Variants in AK7 observed in about 807,000 individuals in gnomAD.
AK7 encodes adenylate kinase 7.
A neutral mutation model predicts 96.6 loss-of-function variants in AK7; 78 were observed. The ratio of observed to expected loss-of-function variants is 0.81; its 90% CI spans 0.67 to 0.97. The LOEUF (loss-of-function observed/expected upper bound fraction) is 0.97, where lower values mean the gene tolerates loss of function less well. AK7 is among the 50% of genes least tolerant of loss of function. AK7 has a pLI of 0.00. For missense variants in AK7, 855 were observed against 887.9 expected (o/e 0.96, Z 0.47); for synonymous variants, 302 against 317.2 (o/e 0.95, Z 0.51).
rs2140006453 is a variant in AK7 at position 96,408,890 on chromosome 14, T to G, written c.447T>G (p.Phe149Leu). 6.2e-7 allele frequency: 1 copy of G among 1,614,236 alleles called. No homozygotes were observed. Among genetic ancestry groups the G allele is most frequent in the East Asian group, 2.2e-5 (1 of 44,888 alleles). The change falls in exon 4 of 18, where the codon TTT (phenylalanine) becomes TTG (leucine). Residue 149 changes from phenylalanine (F) to leucine (L), a missense_variant. Transcript: ENST00000267584. ...EVSHFEKRKLFILLSTVMTWA... is the reference protein window; with the variant it reads ...EVSHFEKRKLLILLSTVMTWA... ...GCCACTTTGAAAAGCGAAAGCTATT[T>G]ATTTTACTGTCGACGGTGATGACTT...
intron 15 of AK7, among the ~76,000 whole-genome samples, chr14:96,481,985 C>T (rs552737288): frequency 2.6e-5 from 4 of 152,286 alleles, no homozygotes; most frequent in East Asian, 3.9e-4. Flanking sequence ...TGTGAGCCAC[C>T]ATGGCCAGCT....
intron 8 of AK7, among the ~76,000 whole-genome samples, chr14:96,449,475 C>T (rs756233594): frequency 2.6e-5 from 4 of 152,136 alleles, no homozygotes; most frequent in Non-Finnish European, 5.9e-5. Context: ...GCTCTATCGC[C>T]CAGGCTGGAG....
At chr14:96,397,088 C>T (rs1014737120) in intron 1 of AK7, among the ~76,000 whole-genome samples, 3 of 152,148 alleles carry the variant, frequency 2.0e-5, no homozygotes, top group Admixed American at 6.5e-5. Flanking sequence ...CAGAATGAGA[C>T]TCTGTCTCAA....
At chr14:96,415,830 A>G (rs146339762) in intron 4 of AK7, among the ~76,000 whole-genome samples, 9 of 109,808 alleles carry the variant, frequency 8.2e-5, no homozygotes, top group African/African-American at 2.9e-4. Context: ...TTAAATAATT[A>G]AGGTATCAAT....
intron 4 of AK7, among the ~76,000 whole-genome samples, chr14:96,415,801 A>AATTAATTTAATACATTAATTAATTAG (rs1422021989): frequency 3.3e-5 from 5 of 149,866 alleles, no homozygotes; most frequent in Non-Finnish European, 5.9e-5. Context: ...TAATTAATTA[A>AATTAATTTAATACATTAATTAATTAG]ATTAATTTAA....
At chr14:96,418,331 A>AAAAAAAAAAAAAAAAAAAAAAG (rs1187928349) in intron 4 of AK7, among the ~76,000 whole-genome samples, 1 of 145,446 alleles carries the variant, frequency 6.9e-6, no homozygotes, top group Non-Finnish European at 1.5e-5. Flanking sequence ...CTAAAAAAAA[A>AAAAAAAAAAAAAAAAAAAAAAG]AAAAAAGGCT....
At position 96,441,021 on chromosome 14, in the gene AK7, G is replaced by T. The variant is rs1892928106; in HGVS notation, c.691-1709G>T. Among the ~76,000 whole-genome samples the T allele has an allele frequency of 2.0e-5, 3 of 152,130 alleles. No homozygotes were observed. In the South Asian group the frequency reaches 6.2e-4, roughly 32 times the overall value. On this transcript the variant is annotated intron_variant, in intron 6 of 17. Coordinates refer to ENST00000267584, the MANE Select transcript of AK7 (RefSeq NM_152327.5). ...CTGCAAAAAATAAATAAAAGGTGTG[G>T]GTAGATAAGAGGCAAGCGGGCACAT... is the stretch of plus-strand genomic sequence containing the variant.
At chr14:96,440,225 C>T (rs983325232) in intron 6 of AK7, among the ~76,000 whole-genome samples, 1 of 152,196 alleles carries the variant, frequency 6.6e-6, no homozygotes, top group East Asian at 1.9e-4. Flanking sequence ...CCGCCCGCCT[C>T]AGCCTCCAAA....
intron 12 of AK7, among the ~76,000 whole-genome samples, chr14:96,466,061 T>G (rs565914593): frequency 6.8e-6 from 1 of 148,142 alleles, no homozygotes; most frequent in Admixed American, 6.7e-5. Flanking sequence ...GAAGGAACAA[T>G]TGGAGGAAGT....
chr14:96,451,411 T>C lies in AK7; in HGVS notation c.949-10T>C, dbSNP rs745431750. ...AAAAGACAAATCTCTAATTGTCCTC[T>C]ATCTTTCAGCAAGATTGTCTTGACC... On this transcript the variant is annotated splice_polypyrimidine_tract_variant and intron_variant, in intron 9 of 17. Transcript: ENST00000267584. 1 of 1,554,860 alleles carries C rather than the reference T, an allele frequency of 6.4e-7. No individual in the cohort carries two copies. The highest frequency in any genetic ancestry group is 8.7e-7 in the Non-Finnish European group (1 of 1,146,814).
intron 17 of AK7, 24 bp from the exon 18 acceptor site, chr14:96,488,281 G>T (rs1895885781): frequency 6.2e-7 from 1 of 1,600,534 alleles, no homozygotes; most frequent in South Asian, 1.1e-5. Flanking sequence ...GTAAACTGTT[G>T]ACTTGTCTTT....
At chr14:96,416,542 A>G (rs1891359732) in intron 4 of AK7, among the ~76,000 whole-genome samples, 1 of 152,176 alleles carries the variant, frequency 6.6e-6, no homozygotes, top group Non-Finnish European at 1.5e-5. Flanking sequence ...AATTATAACA[A>G]GATAGTAGTA....
intron 5 of AK7, among the ~76,000 whole-genome samples, chr14:96,425,475 C>A (rs1051275599): frequency 7.5e-6 from 1 of 134,054 alleles, no homozygotes; most frequent in Non-Finnish European, 1.6e-5. Context: ...TAATGAGTCA[C>A]ACTGATTTTT....
chr14:96,462,673 T>G (rs1894318117), intron 12 of AK7, among the ~76,000 whole-genome samples: 1 of 152,196 alleles, frequency 6.6e-6, no homozygotes, highest in Admixed American at 6.5e-5. Flanking sequence ...CATTGGACTA[T>G]CAACTTTTCT....
At chr14:96,424,659 T>A (rs1439055118) in intron 5 of AK7, among the ~76,000 whole-genome samples, 2 of 152,186 alleles carry the variant, frequency 1.3e-5, no homozygotes, top group African/African-American at 2.4e-5. Context: ...ATACAAACAC[T>A]GTGAGCATCA....
At chr14:96,447,854 C>T (rs1008287245) in intron 8 of AK7, among the ~76,000 whole-genome samples, 1 of 152,170 alleles carries the variant, frequency 6.6e-6, no homozygotes, top group Non-Finnish European at 1.5e-5. Context: ...AAGCAGCTAC[C>T]ATGCGGCCCA....
rs769984300 is a variant in AK7, at chr14:96,420,839, AT to A, written c.518del (p.Phe173SerfsTer19). On this transcript the variant is annotated frameshift_variant, in exon 5 of 18. Coordinates refer to ENST00000267584, the MANE Select transcript of AK7 (RefSeq NM_152327.5). LOFTEE classifies it high-confidence loss of function. Reference protein sequence around the residue: ...ALDPEDSEVPFTEEDYRRRKS... With the variant: ...ALDPEDSEVPXTEEDYRRRKS... ...TATAATAGGAGGATTCTGAGGTTCC[AT>A]TCACTGAAGAAGATTATCGAAGAAG... 6.2e-7 allele frequency: 1 copy of A among 1,612,400 alleles called. No homozygotes were observed. The highest frequency in any genetic ancestry group is 1.1e-5 in the South Asian group (1 of 90,966).
At chr14:96,444,006 A>C (rs1240312575) in intron 7 of AK7, among the ~76,000 whole-genome samples, 1 of 151,868 alleles carries the variant, frequency 6.6e-6, no homozygotes, top group Non-Finnish European at 1.5e-5. Flanking sequence ...CCATCTCCTG[A>C]CCTCATGATC....
intron 1 of AK7, among the ~76,000 whole-genome samples, chr14:96,393,233 T>C (rs1336951099): frequency 6.6e-6 from 1 of 152,220 alleles, no homozygotes; most frequent in Non-Finnish European, 1.5e-5. Flanking sequence ...ATCTGAATTC[T>C]GTCCTCTAGA....
Sources: allele counts gnomAD v4.1 joint callset (sites outside exome capture counted in the v4.1 genomes callset), GRCh38; gene constraint gnomAD v4.1.1; transcripts MANE v1.5; gene names NCBI Gene and HGNC (gene_info 2026-07-23, HGNC 2026-07-21).